ITPR1: variants seen among roughly 807,000 people sequenced by gnomAD.
The protein encoded by ITPR1 is inositol 1,4,5-trisphosphate-gated calcium channel ITPR1.
Under a neutral mutation model 318.4 loss-of-function variants are expected in ITPR1, and 96 were observed. The ratio of observed to expected loss-of-function variants is 0.30; its 90% confidence interval spans 0.26 to 0.36. The LOEUF (loss-of-function observed/expected upper bound fraction) is 0.36. ITPR1 is among the 10% of genes least tolerant of loss of function. The pLI is 1.00. For synonymous variants in ITPR1, 1,312 were observed against 1,289.9 expected, an observed-to-expected ratio of 1.02 and a Z score of -0.37; for missense variants, 2,440 against 3,460.2, an observed-to-expected ratio of 0.71 and a Z score of 7.40.
At chr3:4,698,314 T>C (rs546455504) in intron 34 of ITPR1, among the ~76,000 whole-genome samples, 2 of 152,320 alleles carry the variant, frequency 1.3e-5, no homozygotes, top group Non-Finnish European at 2.9e-5. Context: ...TATAAGAACT[T>C]ATTTTCCTTC....
chr3:4,819,664 T>C (rs769932178), intron 60 of ITPR1, among the ~76,000 whole-genome samples: 1 of 152,220 alleles, frequency 6.6e-6, no homozygotes, highest in Non-Finnish European at 1.5e-5. Context: ...ATTTGGTTGT[T>C]AAAGTTACGC....
chr3:4,800,228 G>A (rs764924494), intron 53 of ITPR1, 197 bp from the exon 54 acceptor site: 2 of 538,388 alleles, frequency 3.7e-6, no homozygotes, highest in African/African-American at 4.0e-5. Flanking sequence ...CCCAGCAGAA[G>A]GAGCATGTGT....
chr3:4,545,042 C>T (rs932607182), intron 4 of ITPR1, among the ~76,000 whole-genome samples: 24 of 152,106 alleles, frequency 1.6e-4, no homozygotes, highest in African/African-American at 4.6e-4. Flanking sequence ...GCAATCCTTC[C>T]GCCTCAGCCT....
chr3:4,797,685 A>C (rs368345256), intron 53 of ITPR1, among the ~76,000 whole-genome samples: 1 of 152,318 alleles, frequency 6.6e-6, no homozygotes, highest in Non-Finnish European at 1.5e-5. Flanking sequence ...TATTATTGAA[A>C]TTGTCAAATA....
intron 4 of ITPR1, among the ~76,000 whole-genome samples, chr3:4,578,397 A>G (rs567971663): frequency 1.3e-5 from 2 of 152,252 alleles, no homozygotes; most frequent in African/African-American, 4.8e-5. Context: ...TTAATTGTGT[A>G]TAGGCCTCTG....
Position 4,843,102 on chromosome 3 carries a change from C to CTT in ITPR1, c.8191-3036_8191-3035dup, listed in dbSNP as rs1271479054. 1.6e-4 allele frequency among the ~76,000 whole-genome samples: 12 copies of CTT among 75,464 alleles called. No homozygotes were observed. The East Asian group carries it at 3.6e-3, about 22-fold the overall frequency. 49.5% of individuals were successfully genotyped at this position (75,464 alleles called of 152,430 possible). On this transcript the variant is annotated intron_variant, in intron 61 of 61. Coordinates refer to ENST00000649015, the MANE Select transcript of ITPR1 (RefSeq NM_001378452.1). Reference sequence around the variant, plus strand: ...TTTTTTTTTTTTTTTTTTTGGTTCTCTTGTAATTGGATGATGACTGCTACT... The same window carrying CTT: ...TTTTTTTTTTTTTTTTTTTGGTTCTCTTTTGTAATTGGATGATGACTGCTACT...
Position 4,721,013 on chromosome 3 carries a change from A to G in ITPR1, c.5136+3614A>G, listed in dbSNP as rs13080172. Among the ~76,000 whole-genome samples the G allele has an allele frequency of 7.0e-3, 1,057 of 151,940 alleles. 10 individuals carry two copies. The highest frequency in any genetic ancestry group is 0.011 in the Non-Finnish European group (728 of 67,992). On this transcript the variant is annotated intron_variant, in intron 40 of 61. Coordinates refer to ENST00000649015, the MANE Select transcript of ITPR1 (RefSeq NM_001378452.1). ...GTGTGACCTTCAGCAGTAATTGCCA[A>G]TAAATGCAGTGGGGCTGTTTACTGT... is the stretch of plus-strand genomic sequence containing the variant.
At chr3:4,723,579 T>A (rs1258348349) in intron 40 of ITPR1, among the ~76,000 whole-genome samples, 1 of 151,924 alleles carries the variant, frequency 6.6e-6, no homozygotes, top group Non-Finnish European at 1.5e-5. Context: ...AAGAAATAGA[T>A]ATATACTACC....
chr3:4,681,624 A>AGTGTGTGTGTGTGTGTGTGTGT (rs10665371), intron 26 of ITPR1, among the ~76,000 whole-genome samples: 30 of 145,894 alleles, frequency 2.1e-4, no homozygotes, highest in African/African-American at 6.1e-4. Flanking sequence ...AGAGAGAGAA[A>AGTGTGTGTGTGTGTGTGTGTGT]GTGTGTGTGT....
At chr3:4,782,884 C>G in intron 50 of ITPR1, 143 bp downstream of exon 50, 2 of 686,842 alleles carry the variant, frequency 2.9e-6, no homozygotes, top group Non-Finnish European at 4.2e-6. Flanking sequence ...CTCACAGGTG[C>G]TCGTGGCAAC....
In ITPR1 at chr3:4,841,477, C is replaced by T. The variant is rs555093178; in HGVS notation, c.8190+4542C>T. ...TAATTCCGTTCCTTCTTTCAGCCAA[C>T]ACATATGAAACACCTGTTTGCCAGG... On this transcript the variant is annotated intron_variant, in intron 61 of 61. Coordinates refer to ENST00000649015, the MANE Select transcript of ITPR1 (RefSeq NM_001378452.1). Among the ~76,000 whole-genome samples the T allele has an allele frequency of 7.2e-5, 11 of 152,316 alleles. No homozygotes were observed. The East Asian group carries it at 2.1e-3, about 29-fold the overall frequency.
intron 4 of ITPR1, among the ~76,000 whole-genome samples, chr3:4,610,897 TC>T (rs1282596553): frequency 2.1e-4 from 18 of 84,174 alleles, no homozygotes; most frequent in Non-Finnish European, 3.4e-4. Flanking sequence ...CCTTCCCCCT[TC>T]CCCCCCTTCT....
chr3:4,625,876 C>T (rs1042474435), intron 4 of ITPR1, among the ~76,000 whole-genome samples: 7 of 152,170 alleles, frequency 4.6e-5, no homozygotes, highest in East Asian at 1.9e-4. Flanking sequence ...TAATTTTACT[C>T]TTCAGATATT....
At chr3:4,608,921 G>A (rs947960393) in intron 4 of ITPR1, among the ~76,000 whole-genome samples, 4 of 144,756 alleles carry the variant, frequency 2.8e-5, no homozygotes, top group Non-Finnish European at 6.0e-5. Context: ...AGAATTGCTT[G>A]AACCCTGGAG....
intron 4 of ITPR1, among the ~76,000 whole-genome samples, chr3:4,558,477 G>A (rs1258797456): frequency 6.6e-6 from 1 of 152,048 alleles, no homozygotes; most frequent in Non-Finnish European, 1.5e-5. Context: ...TAAAAATATA[G>A]ACAATAGATG....
chr3:4,683,414 G>A lies in ITPR1; in HGVS notation c.3190G>A (p.Asp1064Asn), dbSNP rs779154433. 2.5e-6 allele frequency: 4 copies of A among 1,614,004 alleles called. No individual in the cohort carries two copies. Among genetic ancestry groups the A allele is most frequent in the Non-Finnish European group, 3.4e-6 (4 of 1,179,894 alleles). Residue 1064 changes from aspartate to asparagine, a missense_variant, in exon 27 of 62, where the codon GAC (aspartate) becomes AAC (asparagine). Physicochemically the swap from Asp to Asn is conservative, Grantham distance 23. This residue lies in a region of ITPR1 where 76 missense variants were observed against 132.2 expected (regional missense o/e 0.58). Coordinates refer to ENST00000649015, the MANE Select transcript of ITPR1 (RefSeq NM_001378452.1). Reference sequence around the variant, plus strand: ...GGAGAACACCCCACTGGACTTGGATGACCACGGCGGCAGAACCTTTCTCCG... The same window carrying A: ...GGAGAACACCCCACTGGACTTGGATAACCACGGCGGCAGAACCTTTCTCCG... Reference protein sequence around the residue: ...SEENTPLDLDDHGGRTFLRVL... With the variant: ...SEENTPLDLDNHGGRTFLRVL...
intron 61 of ITPR1, among the ~76,000 whole-genome samples, chr3:4,845,475 C>A (rs1247766567): frequency 1.3e-5 from 2 of 152,166 alleles, no homozygotes; most frequent in African/African-American, 4.8e-5. Context: ...TTTGAAAGTA[C>A]TTTTTCATTT....
chr3:4,702,803 C>T (rs1334657603), intron 35 of ITPR1, 27 bp from the exon 36 acceptor site: 1 of 1,609,808 alleles, frequency 6.2e-7, no homozygotes, highest in East Asian at 2.2e-5. Context: ...ATCTGTTTTT[C>T]ACGTTGCCTC....
intron 45 of ITPR1, among the ~76,000 whole-genome samples, chr3:4,767,310 A>G: frequency 6.6e-6 from 1 of 152,244 alleles, no homozygotes; most frequent in East Asian, 1.9e-4. Context: ...ACTTAGCAGC[A>G]TACACATTCT....
Sources: gnomAD v4.1 joint callset for allele counts (sites outside exome capture counted in the v4.1 genomes callset) on GRCh38, gnomAD v4.1.1 for gene constraint, gnomAD v4.1.1 regional missense constraint, MANE v1.5 for transcripts, NCBI Gene and HGNC (gene_info 2026-07-23, HGNC 2026-07-21) for gene names.